Variants in PXDNL observed in about 807,000 individuals in gnomAD.
The protein encoded by PXDNL is probable oxidoreductase PXDNL.
Under a neutral mutation model 150.8 loss-of-function variants are expected in PXDNL, and 145 were observed. That is an observed-to-expected ratio of 0.96 (90% CI 0.84 to 1.10). The LOEUF (loss-of-function observed/expected upper bound fraction) is 1.10. PXDNL is among the 50% of genes least tolerant of loss of function. The probability of loss-of-function intolerance (pLI) is 0.00; values close to 1 mark genes in which losing one functional copy is unlikely to be tolerated. For missense variants in PXDNL, 2,087 were observed against 1,873.9 expected, an observed-to-expected ratio of 1.11 and a Z score of -2.10; for synonymous variants, 757 against 725.7, an observed-to-expected ratio of 1.04 and a Z score of -0.69.
intron 21 of PXDNL, among the ~76,000 whole-genome samples, chr8:51,327,496 T>C (rs1004663751): frequency 2.0e-5 from 3 of 152,220 alleles, no homozygotes; most frequent in Non-Finnish European, 4.4e-5. Flanking sequence ...AAAAGGGTAA[T>C]GGAAAGTACT....
chr8:51,693,272 G>A (rs11775179), intron 1 of PXDNL, among the ~76,000 whole-genome samples: 80,717 of 151,734 alleles, frequency 0.53, 26,177 homozygotes, highest in Non-Finnish European at 0.7. Flanking sequence ...CAAGCTTAGT[G>A]TGGTAAAGAA....
intron 22 of PXDNL, 93 bp from the exon 23 acceptor site, chr8:51,320,115 A>G (rs1276568997): frequency 9.3e-7 from 1 of 1,071,822 alleles, no homozygotes. Flanking sequence ...ATAATCTAAT[A>G]AGCTGACTGT....
At chr8:51,721,658 A>G in intron 1 of PXDNL, 2 of 437,928 alleles carry the variant, frequency 4.6e-6, no homozygotes, top group South Asian at 3.7e-5. Context: ...AAAAAAAAAG[A>G]AGTTGACTCA....
intron 2 of PXDNL, among the ~76,000 whole-genome samples, chr8:51,616,213 G>A (rs922796309): frequency 2.6e-5 from 4 of 152,122 alleles, no homozygotes; most frequent in South Asian, 2.1e-4. Flanking sequence ...TTTGAAAAAC[G>A]CAGGAAATCT....
chr8:51,690,856 G>A (rs1449459152), intron 1 of PXDNL, among the ~76,000 whole-genome samples: 1 of 151,860 alleles, frequency 6.6e-6, no homozygotes, highest in African/African-American at 2.4e-5. Flanking sequence ...TTTAATGATC[G>A]CCATTCTAAC....
chr8:51,337,703 C>T (rs544035703), intron 21 of PXDNL, among the ~76,000 whole-genome samples: 5 of 151,108 alleles, frequency 3.3e-5, no homozygotes, highest in African/African-American at 7.3e-5. Flanking sequence ...ATGGTGAAAC[C>T]CCATCTCTAT....
At chr8:51,626,387 T>C (rs1255600352) in intron 2 of PXDNL, among the ~76,000 whole-genome samples, 1 of 152,304 alleles carries the variant, frequency 6.6e-6, no homozygotes, top group East Asian at 1.9e-4. Context: ...AAAACCTCAT[T>C]TGGTAATGAG....
chr8:51,469,388 A>G (rs952264712), intron 8 of PXDNL, among the ~76,000 whole-genome samples: 4 of 152,004 alleles, frequency 2.6e-5, no homozygotes, highest in African/African-American at 9.7e-5. Context: ...GGATAATTCT[A>G]TCATTACCTT....
chr8:51,677,874 C>G (rs1049856743), intron 1 of PXDNL, among the ~76,000 whole-genome samples: 2 of 152,152 alleles, frequency 1.3e-5, no homozygotes, highest in Non-Finnish European at 2.9e-5. Context: ...GGTAGCTGCA[C>G]TAAACCATAA....
At chr8:51,548,115 C>T (rs1183982805) in intron 4 of PXDNL, among the ~76,000 whole-genome samples, 2 of 148,544 alleles carry the variant, frequency 1.3e-5, no homozygotes, top group African/African-American at 5.0e-5. Flanking sequence ...AAAAAGAAGG[C>T]TTTTGATTAA....
chr8:51,596,896 G>C (rs1813581858), intron 2 of PXDNL, among the ~76,000 whole-genome samples: 1 of 152,070 alleles, frequency 6.6e-6, no homozygotes, highest in Non-Finnish European at 1.5e-5. Flanking sequence ...CTGTGCAGAA[G>C]CTCTTTATTT....
chr8:51,566,541 T>C (rs1040877252), intron 3 of PXDNL, among the ~76,000 whole-genome samples: 2 of 151,792 alleles, frequency 1.3e-5, no homozygotes, highest in East Asian at 1.9e-4. Context: ...AAGAAATTAG[T>C]CCATTTTATC....
intron 12 of PXDNL, among the ~76,000 whole-genome samples, chr8:51,438,026 G>A (rs141658107): frequency 6.6e-6 from 1 of 152,170 alleles, no homozygotes; most frequent in East Asian, 1.9e-4. Context: ...ACCAAATTGA[G>A]AATCAAATCA....
rs1585510518 is a variant in PXDNL, at chr8:51,482,695, A to G, written c.524+948T>C. Among the ~76,000 whole-genome samples the G allele has an allele frequency of 2.6e-5, 4 of 152,262 alleles. No individual in the cohort carries two copies. In the East Asian group the frequency reaches 7.7e-4, roughly 29 times the overall value. Reference sequence around the variant, plus strand: ...AAGTCTCATGAGATCTGATGGTTTTATAAACAGGAGTTCCCTGCACAGGCT... The same window carrying G: ...AAGTCTCATGAGATCTGATGGTTTTGTAAACAGGAGTTCCCTGCACAGGCT... On this transcript the variant is annotated intron_variant, in intron 6 of 22. Transcript: ENST00000356297.
chr8:51,553,027 A>C (rs10088914), intron 4 of PXDNL, among the ~76,000 whole-genome samples: 44,805 of 152,096 alleles, frequency 0.29, 8,225 homozygotes, highest in African/African-American at 0.5. Context: ...GAAAAACAGG[A>C]AAGAAAAAAG....
At chr8:51,350,692 C>A (rs549949171) in intron 19 of PXDNL, among the ~76,000 whole-genome samples, 1 of 152,034 alleles carries the variant, frequency 6.6e-6, no homozygotes, top group African/African-American at 2.4e-5. Flanking sequence ...CCATGACACC[C>A]GCACACGTGG....
chr8:51,650,403 T>G (rs1318103961), intron 2 of PXDNL, among the ~76,000 whole-genome samples: 2 of 152,200 alleles, frequency 1.3e-5, no homozygotes, highest in Non-Finnish European at 2.9e-5. Context: ...GTATAAAAGT[T>G]TGAAAAATAG....
At chr8:51,333,357 T>C (rs953545327) in intron 21 of PXDNL, among the ~76,000 whole-genome samples, 1 of 152,184 alleles carries the variant, frequency 6.6e-6, no homozygotes, top group East Asian at 1.9e-4. Flanking sequence ...AAACAAATCC[T>C]GGCAACACAT....
intron 19 of PXDNL, 55 bp from the exon 20 acceptor site, chr8:51,346,002 T>TAGATGAGATCATGA: frequency 9.5e-7 from 1 of 1,050,454 alleles, no homozygotes; most frequent in Non-Finnish European, 1.5e-6. Context: ...TGTCATGATC[T>TAGATGAGATCATGA]CATCTAGATC....
Sources: gnomAD v4.1 joint callset for allele counts (sites outside exome capture counted in the v4.1 genomes callset) on GRCh38, gnomAD v4.1.1 for gene constraint, MANE v1.5 for transcripts, NCBI Gene and HGNC (gene_info 2026-07-23, HGNC 2026-07-21) for gene names.